RUNX1T1: variants seen among roughly 807,000 people sequenced by gnomAD.
The protein encoded by RUNX1T1 is protein CBFA2T1.
A neutral mutation model predicts 62.8 loss-of-function variants in RUNX1T1; 4 were observed. The observed-to-expected ratio is 0.06, with a 90% confidence interval of 0.03 to 0.15. The LOEUF is 0.15. Among genes scored for constraint, RUNX1T1 ranks in the 10% least tolerant of loss-of-function variants. RUNX1T1 has a pLI of 1.00. For missense variants in RUNX1T1, 508 were observed against 754.3 expected, an observed-to-expected ratio of 0.67 and a Z score of 3.82; for synonymous variants, 291 against 286.0, an observed-to-expected ratio of 1.02 and a Z score of -0.18.
intron 1 of RUNX1T1, among the ~76,000 whole-genome samples, chr8:92,058,483 C>A (rs898810540): frequency 6.6e-6 from 1 of 152,134 alleles, no homozygotes; most frequent in African/African-American, 2.4e-5. Flanking sequence ...CGATCCAGGA[C>A]TGAAGATAAA....
At chr8:91,983,645 G>A (rs181491787) in intron 8 of RUNX1T1, among the ~76,000 whole-genome samples, 124 of 152,126 alleles carry the variant, frequency 8.2e-4, no homozygotes, top group African/African-American at 1.7e-3. Context: ...CTTTATCTGC[G>A]CACATGCACT....
upstream of RUNX1T1, among the ~76,000 whole-genome samples, chr8:92,065,070 T>C (rs970744189): frequency 2.0e-5 from 3 of 152,048 alleles, no homozygotes; most frequent in African/African-American, 7.2e-5. Context: ...CTTTAATCCA[T>C]GGAGGCAAGA....
intron 1 of RUNX1T1, among the ~76,000 whole-genome samples, chr8:92,035,733 G>A (rs1827290629): frequency 6.6e-6 from 1 of 151,684 alleles, no homozygotes; most frequent in Non-Finnish European, 1.5e-5. Context: ...ATTCCCTAAG[G>A]ACAGAAAATC....
At chr8:92,096,552 T>C (rs1199011504) in intron 1 of RUNX1T1, among the ~76,000 whole-genome samples, 2 of 152,200 alleles carry the variant, frequency 1.3e-5, no homozygotes, top group African/African-American at 4.8e-5. Flanking sequence ...GTGCAGATAA[T>C]GCAGCAAAGG....
At chr8:92,081,769 G>A (rs1835312085) in intron 1 of RUNX1T1, among the ~76,000 whole-genome samples, 1 of 152,030 alleles carries the variant, frequency 6.6e-6, no homozygotes, top group Non-Finnish European at 1.5e-5. Flanking sequence ...TGCCAGCATG[G>A]CCTGGTTGCT....
exon 1 of RUNX1T1, chr8:92,062,597 G>C: frequency 6.2e-7 from 1 of 1,614,072 alleles, no homozygotes; most frequent in Non-Finnish European, 8.5e-7. Context: ...TCTCCTAAAA[G>C]CAAGCGCGTT....
exon 11 of RUNX1T1, chr8:91,959,486 G>A (rs866056417): frequency 0.011 from 1,614 of 142,822 alleles, 45 homozygotes; most frequent in South Asian, 0.022. Context: ...GTGTGTGTGT[G>A]TGTATATATA....
upstream of RUNX1T1, chr8:92,102,944 G>C: frequency 1.3e-6 from 2 of 1,497,650 alleles, no homozygotes; most frequent in Non-Finnish European, 1.8e-6. The surrounding 1 kb of genome is among the most constrained non-coding windows in gnomAD (Gnocchi z 4.5). Context: ...CCCGCGGGGC[G>C]ACGGGGCGAG....
At chr8:91,958,485 C>A (rs532734764), downstream of RUNX1T1, 42 of 194,004 alleles carry the variant, frequency 2.2e-4, no homozygotes, top group African/African-American at 9.0e-4. Flanking sequence ...AGCTGTCAAT[C>A]TACACCTCAG....
intron 8 of RUNX1T1, among the ~76,000 whole-genome samples, chr8:91,980,409 C>A (rs1814966425): frequency 1.3e-5 from 2 of 152,132 alleles, no homozygotes; most frequent in Non-Finnish European, 2.9e-5. Flanking sequence ...TGAAATATTT[C>A]ATTGGCTGGG....
chr8:92,035,409 C>T (rs1247500213), intron 1 of RUNX1T1, among the ~76,000 whole-genome samples: 3 of 151,842 alleles, frequency 2.0e-5, no homozygotes, highest in Non-Finnish European at 4.4e-5. Context: ...ATAATGATCA[C>T]ATTTGGTACA....
exon 1 of RUNX1T1, chr8:92,062,952 A>G: frequency 8.0e-7 from 1 of 1,252,974 alleles, no homozygotes; most frequent in Non-Finnish European, 1.0e-6. Context: ...TAAATGCCGA[A>G]TAATTTATTC....
chr8:92,064,918 C>A (rs1832650001), upstream of RUNX1T1, among the ~76,000 whole-genome samples: 1 of 152,180 alleles, frequency 6.6e-6, no homozygotes, highest in African/African-American at 2.4e-5. Context: ...GTAATTGCCA[C>A]TTTAAATTGA....
At chr8:92,065,136 T>G (rs921793352), upstream of RUNX1T1, among the ~76,000 whole-genome samples, 4 of 152,092 alleles carry the variant, frequency 2.6e-5, no homozygotes, top group African/African-American at 4.8e-5. Flanking sequence ...GATATGTAGT[T>G]CTACACAGTT....
At chr8:92,065,284 G>C (rs1832709100), upstream of RUNX1T1, among the ~76,000 whole-genome samples, 1 of 152,230 alleles carries the variant, frequency 6.6e-6, no homozygotes, top group African/African-American at 2.4e-5. Context: ...ATTTATGCAA[G>C]TGAATGGAGA....
chr8:92,034,832 ACAC>A (rs999659505), intron 1 of RUNX1T1, among the ~76,000 whole-genome samples: 1 of 150,938 alleles, frequency 6.6e-6, no homozygotes, highest in Non-Finnish European at 1.5e-5. Context: ...ACACACACAC[ACAC>A]ACCATGGAAT....
At chr8:91,955,875 A>G (rs1353222807), downstream of RUNX1T1, 1 of 228,790 alleles carries the variant, frequency 4.4e-6, no homozygotes, top group Non-Finnish European at 8.7e-6. Context: ...AAACTTTGTA[A>G]CTAGAGAATG....
chr8:91,968,388 G>A (rs1043839129), intron 10 of RUNX1T1, among the ~76,000 whole-genome samples: 16 of 152,068 alleles, frequency 1.1e-4, no homozygotes, highest in African/African-American at 3.9e-4. Flanking sequence ...TGCACTCTCC[G>A]GTAAGTTTTG....
At chr8:92,001,355 C>T (rs1369565513) in intron 5 of RUNX1T1, among the ~76,000 whole-genome samples, 1 of 152,004 alleles carries the variant, frequency 6.6e-6, no homozygotes, top group African/African-American at 2.4e-5. Context: ...CATTGCAGAC[C>T]ATGCCTAAGG....
Sources: allele counts gnomAD v4.1 joint callset (sites outside exome capture counted in the v4.1 genomes callset), GRCh38; gene constraint gnomAD v4.1.1; non-coding constraint Gnocchi (gnomAD v3.1); transcripts MANE v1.5; gene names NCBI Gene and HGNC (gene_info 2026-07-23, HGNC 2026-07-21).